Variants in USP25 observed in about 807,000 individuals in gnomAD.
USP25 encodes the protein ubiquitin carboxyl-terminal hydrolase 25.
USP25 carries 85 observed loss-of-function variants against 158.5 expected under a neutral mutation model. The ratio of observed to expected loss-of-function variants is 0.54; its 90% CI spans 0.45 to 0.64. The LOEUF is 0.64. Ranked by LOEUF, USP25 falls within the 30% of genes least tolerant of loss-of-function variation. The probability of loss-of-function intolerance (pLI) is 0.00; values close to 1 mark genes in which losing one functional copy is unlikely to be tolerated. For missense variants in USP25, 1,242 were observed against 1,327.3 expected (o/e 0.94, Z 1.00); for synonymous variants, 464 against 460.4 (o/e 1.01, Z -0.10).
intron 10 of USP25, among the ~76,000 whole-genome samples, chr21:15,823,299 T>G (rs2037327796): frequency 6.6e-6 from 1 of 151,944 alleles, no homozygotes; most frequent in African/African-American, 2.4e-5. Flanking sequence ...AATTTTCTTT[T>G]AAAAATGTTG....
rs769786685 is a variant in USP25 at position 15,842,432 on chromosome 21, G to A, written c.2229G>A (p.Gln743=). 43 of 1,613,536 alleles carry A rather than the reference G, an allele frequency of 2.7e-5. No homozygotes were observed. Among genetic ancestry groups the A allele is most frequent in the Non-Finnish European group, 3.5e-5 (41 of 1,179,754 alleles). ...QAAGDPEYLE[Q]PSRSDFSKHL... is the part of the protein sequence containing the mutation. ...CAGGAGACCCAGAATATCTAGAGCA[G>A]CCATCAAGAAGTGATTTCTCAAAGC... The change falls in exon 18 of 26, where the codon CAG becomes CAA. Residue 743 remains glutamine (Q), a synonymous_variant. Coordinates refer to ENST00000400183, the MANE Select transcript of USP25 (RefSeq NM_001283041.3).
chr21:15,769,344 T>G (rs1460092299), intron 3 of USP25, among the ~76,000 whole-genome samples: 1 of 152,070 alleles, frequency 6.6e-6, no homozygotes, highest in Non-Finnish European at 1.5e-5. Flanking sequence ...AATTTAGAAG[T>G]CGTACACCTC....
At chr21:15,827,820 T>A (rs958656309) in intron 14 of USP25, among the ~76,000 whole-genome samples, 1 of 151,452 alleles carries the variant, frequency 6.6e-6, no homozygotes, top group Non-Finnish European at 1.5e-5. Context: ...TTGCCATCTG[T>A]CCTTTCTTGG....
chr21:15,826,852 C>T lies in USP25; in HGVS notation c.1467-125C>T. The T allele has an allele frequency of 4.9e-6, 4 of 808,412 alleles. No homozygotes were observed. The highest frequency in any genetic ancestry group is 2.7e-5 in the Admixed American group (1 of 36,554). The allele number at this position is 808,412 out of a possible 1,614,324, so 50.1% of individuals were successfully genotyped here. ...ATCTCATTTGGATGTTAGATCAATC[C>T]ACATATTTCTTTAAGATTTTTTCTT... On this transcript the variant is annotated intron_variant, in intron 13 of 25. Coordinates refer to ENST00000400183, the MANE Select transcript of USP25 (RefSeq NM_001283041.3). This position sits in a 1 kb window ranked among gnomAD's most constrained non-coding sequence, Gnocchi z 4.8.
At chr21:15,827,555 C>A (rs1348835897) in intron 14 of USP25, among the ~76,000 whole-genome samples, 1 of 152,106 alleles carries the variant, frequency 6.6e-6, no homozygotes, top group East Asian at 1.9e-4. Flanking sequence ...GGTACTAAAT[C>A]TAAGTTTGCA....
chr21:15,759,488 A>G (rs1039732426), intron 1 of USP25, among the ~76,000 whole-genome samples: 5 of 152,216 alleles, frequency 3.3e-5, no homozygotes, highest in African/African-American at 1.2e-4. Flanking sequence ...CATTGGTTCA[A>G]TCTGGAAGGG....
At chr21:15,849,149 C>A (rs1254106994) in intron 19 of USP25, among the ~76,000 whole-genome samples, 2 of 152,100 alleles carry the variant, frequency 1.3e-5, no homozygotes, top group Non-Finnish European at 2.9e-5. Context: ...TTAGGATGTG[C>A]CCTCTCTCAT....
At position 15,843,314 on chromosome 21, in the gene USP25, C is replaced by G. The variant is rs2038427100; in HGVS notation, c.2337+774C>G. Among the ~76,000 whole-genome samples the G allele has an allele frequency of 6.6e-6, 1 of 152,118 alleles. No individual in the cohort carries two copies. The highest frequency in any genetic ancestry group is 2.4e-5 in the African/African-American group (1 of 41,414). Reference sequence around the variant, plus strand: ...TAGTTCCTTTTAATATTTGAAGATTCCCCTTGACAACTAAAAAGAGTACGA... The same window carrying G: ...TAGTTCCTTTTAATATTTGAAGATTGCCCTTGACAACTAAAAAGAGTACGA... On this transcript the variant is annotated intron_variant, in intron 18 of 25. Coordinates refer to ENST00000400183, the MANE Select transcript of USP25 (RefSeq NM_001283041.3). The surrounding 1 kb of genome is among the most constrained non-coding windows in gnomAD (Gnocchi z 4.0).
chr21:15,773,347 T>TG, intron 3 of USP25: 1 of 152,654 alleles, frequency 6.6e-6, no homozygotes, highest in Non-Finnish European at 1.5e-5. Flanking sequence ...CTGGCCAAGT[T>TG]GGGGGCGGGG....
intron 1 of USP25, among the ~76,000 whole-genome samples, chr21:15,734,527 A>C (rs1184019439): frequency 6.6e-6 from 1 of 152,086 alleles, no homozygotes; most frequent in African/African-American, 2.4e-5. Context: ...TTGTAGACTC[A>C]CATTGTATCC....
chr21:15,751,988 A>G, intron 1 of USP25, among the ~76,000 whole-genome samples: 1 of 152,204 alleles, frequency 6.6e-6, no homozygotes, highest in East Asian at 1.9e-4. Context: ...AGGTTGGAGT[A>G]CAATGGTGCA....
At chr21:15,767,664 A>G (rs954769373) in intron 3 of USP25, among the ~76,000 whole-genome samples, 1 of 152,078 alleles carries the variant, frequency 6.6e-6, no homozygotes, top group Non-Finnish European at 1.5e-5. Flanking sequence ...TCGAGGGGAA[A>G]AAGAAACTAG....
At chr21:15,732,479 T>A (rs2031018308) in intron 1 of USP25, among the ~76,000 whole-genome samples, 1 of 152,196 alleles carries the variant, frequency 6.6e-6, no homozygotes, top group Non-Finnish European at 1.5e-5. Flanking sequence ...GACTTAAAGC[T>A]GGTAACTAGG....
At chr21:15,830,422 G>A (rs944320228) in intron 14 of USP25, 109 bp from the exon 15 acceptor site, 8 of 848,440 alleles carry the variant, frequency 9.4e-6, no homozygotes, top group Non-Finnish European at 1.4e-5. Flanking sequence ...AAAAGTTTTA[G>A]GAAAATTTTC....
intron 4 of USP25, among the ~76,000 whole-genome samples, chr21:15,786,184 G>A (rs1386644700): frequency 6.6e-6 from 1 of 152,076 alleles, no homozygotes; most frequent in Non-Finnish European, 1.5e-5. Context: ...AGTTTCTGAT[G>A]GCTACATTGC....
At chr21:15,867,294 C>T (rs986823116) in intron 22 of USP25, among the ~76,000 whole-genome samples, 2 of 151,782 alleles carry the variant, frequency 1.3e-5, no homozygotes, top group African/African-American at 4.8e-5. Context: ...GTTCCATTTA[C>T]AAACTTAATT....
intron 16 of USP25, among the ~76,000 whole-genome samples, 166 bp downstream of exon 16, chr21:15,831,795 G>T (rs780794876): frequency 1.3e-5 from 2 of 152,204 alleles, no homozygotes; most frequent in African/African-American, 2.4e-5. Context: ...TCAGGGCTAA[G>T]AATTCGTATA....
intron 24 of USP25, chr21:15,876,240 A>G (rs1282186835): frequency 2.0e-5 from 3 of 152,224 alleles, no homozygotes; most frequent in African/African-American, 7.2e-5. Flanking sequence ...CATTTAATGC[A>G]TACTTCCAAA....
chr21:15,878,051 A>T (rs2146621988), intron 25 of USP25, 60 bp downstream of exon 25: 1 of 1,374,652 alleles, frequency 7.3e-7, no homozygotes, highest in African/African-American at 1.5e-5. Context: ...AGTTAGAATT[A>T]GATGTTATTT....
Sources: allele counts gnomAD v4.1 joint callset (sites outside exome capture counted in the v4.1 genomes callset), GRCh38; gene constraint gnomAD v4.1.1; non-coding constraint Gnocchi (gnomAD v3.1); transcripts MANE v1.5; gene names NCBI Gene and HGNC (gene_info 2026-07-23, HGNC 2026-07-21).